The following SCN11A variants were observed in gnomAD, a reference collection of about 807,000 sequenced individuals.
SCN11A encodes sodium voltage-gated channel alpha subunit 11, also known as sodium channel protein type 11 subunit alpha.
A neutral mutation model predicts 162.2 loss-of-function variants in SCN11A; 122 were observed. That is an observed-to-expected ratio of 0.75 (90% confidence interval 0.65 to 0.87). The LOEUF is 0.87. Ranked by LOEUF, SCN11A falls within the 40% of genes least tolerant of loss-of-function variation. The pLI, the probability that SCN11A is intolerant of heterozygous loss-of-function variation, is 0.00. For missense variants in SCN11A, 2,015 were observed against 2,181.6 expected (o/e 0.92, Z 1.52); for synonymous variants, 758 against 751.5 (o/e 1.01, Z -0.14).
intron 2 of SCN11A, among the ~76,000 whole-genome samples, chr3:39,002,560 C>T (rs1016994089): frequency 1.3e-5 from 2 of 152,222 alleles, no homozygotes; most frequent in African/African-American, 4.8e-5. Flanking sequence ...ACCATGGAGG[C>T]TCCAACTGAC....
At chr3:39,027,489 C>G (rs557668433) in intron 2 of SCN11A, among the ~76,000 whole-genome samples, 1 of 152,244 alleles carries the variant, frequency 6.6e-6, no homozygotes, top group South Asian at 2.1e-4. Flanking sequence ...ATTGGAAGCT[C>G]AGCTCGAAAG....
At chr3:39,045,601 T>C (rs548709307) in intron 1 of SCN11A, among the ~76,000 whole-genome samples, 23 of 152,302 alleles carry the variant, frequency 1.5e-4, no homozygotes, top group Admixed American at 2.6e-4. Context: ...CATCCTTTCA[T>C]GATAAAAACT....
intron 9 of SCN11A, among the ~76,000 whole-genome samples, chr3:38,925,137 A>AT (rs934406327): frequency 6.6e-6 from 1 of 151,820 alleles, no homozygotes; most frequent in Non-Finnish European, 1.5e-5. Flanking sequence ...TAATGTACTT[A>AT]TTTATTATAG....
intron 23 of SCN11A, among the ~76,000 whole-genome samples, chr3:38,878,738 T>TAG (rs1221365742): frequency 6.6e-6 from 1 of 152,096 alleles, no homozygotes; most frequent in African/African-American, 2.4e-5. Context: ...AGTAATGTGG[T>TAG]AGATGTCATG....
chr3:38,904,317 G>A (rs775722328), intron 15 of SCN11A, among the ~76,000 whole-genome samples: 2 of 152,160 alleles, frequency 1.3e-5, no homozygotes, highest in Non-Finnish European at 2.9e-5. Flanking sequence ...GTACAGTCAA[G>A]TCCATCAAAT....
chr3:38,956,005 G>A (rs1032475202), intron 3 of SCN11A, among the ~76,000 whole-genome samples: 3 of 152,164 alleles, frequency 2.0e-5, no homozygotes, highest in Admixed American at 2.0e-4. Flanking sequence ...TCAGCACTTT[G>A]GGAGGCTGAG....
At chr3:38,938,459 C>T (rs1244041047) in intron 7 of SCN11A, among the ~76,000 whole-genome samples, 1 of 128,036 alleles carries the variant, frequency 7.8e-6, no homozygotes, top group East Asian at 2.6e-4. Context: ...AATGTTATGT[C>T]CTATTGAATG....
At chr3:38,929,242 T>C (rs1440786055) in intron 7 of SCN11A, among the ~76,000 whole-genome samples, 1 of 151,966 alleles carries the variant, frequency 6.6e-6, no homozygotes, top group African/African-American at 2.4e-5. Context: ...GGTATATACA[T>C]GTGATGGAAT....
rs557039721 is a variant in SCN11A, at chr3:38,910,054, T to A, written c.1101+12A>T. ...AGGGAGAGAGGAAAAAGAGAGACTA[T>A]AAATAGATAACCTGTTGATAAAGCT... On this transcript the variant is annotated intron_variant, in intron 12 of 29. Transcript: ENST00000302328. 4.1e-5 allele frequency: 66 copies of A among 1,612,822 alleles called. No homozygotes were observed. In the South Asian group the frequency reaches 6.3e-4, roughly 15 times the overall value.
chr3:39,030,412 A>G (rs977275901), intron 2 of SCN11A, among the ~76,000 whole-genome samples: 3 of 152,128 alleles, frequency 2.0e-5, no homozygotes, highest in Non-Finnish European at 4.4e-5. Context: ...CCACAGGACC[A>G]TATTTCTGAC....
intron 28 of SCN11A, among the ~76,000 whole-genome samples, chr3:38,855,237 T>A (rs912340261): frequency 1.3e-5 from 2 of 152,186 alleles, no homozygotes; most frequent in African/African-American, 2.4e-5. Context: ...GGGCGAGGCC[T>A]TTCACTACTG....
chr3:38,851,055 T>C (rs1180640199), intron 28 of SCN11A, among the ~76,000 whole-genome samples: 3 of 152,238 alleles, frequency 2.0e-5, no homozygotes. Flanking sequence ...ATTGATGATG[T>C]GCTTTGCTGA....
chr3:38,847,113 A>G lies in SCN11A; in HGVS notation c.4957T>C (p.Leu1653=), dbSNP rs1191646570. ...YSALSDFADA[L]PEPLRVAKPN... ...TTTGCGACACGCAAAGGCTCAGGCA[A>G]GGCATCAGCAAAGTCAGAAAGGGCA... The change falls in exon 30 of 30, where the codon TTG becomes CTG. Residue 1653 remains leucine (L), a synonymous_variant. Transcript: ENST00000302328. 1.2e-6 allele frequency: 2 copies of G among 1,614,214 alleles called. No individual in the cohort carries two copies. Among genetic ancestry groups the G allele is most frequent in the East Asian group, 4.5e-5 (2 of 44,872 alleles).
At chr3:38,859,139 G>C (rs557458294) in intron 28 of SCN11A, among the ~76,000 whole-genome samples, 46 of 151,646 alleles carry the variant, frequency 3.0e-4, no homozygotes, top group African/African-American at 1.0e-3. Context: ...CAAGCCAAAG[G>C]CAAATCCAAA....
chr3:38,979,410 C>T (rs1236976844), intron 2 of SCN11A, among the ~76,000 whole-genome samples: 2 of 152,198 alleles, frequency 1.3e-5, no homozygotes, highest in Non-Finnish European at 2.9e-5. Flanking sequence ...GGAGGCACAG[C>T]TGGGTATGGT....
intron 26 of SCN11A, among the ~76,000 whole-genome samples, chr3:38,869,151 C>T (rs545500637): frequency 7.6e-4 from 115 of 152,090 alleles, no homozygotes; most frequent in Non-Finnish European, 1.5e-3. Flanking sequence ...ATATCAGGAC[C>T]GGCATCAAAA....
chr3:39,010,382 TTTC>T lies in SCN11A; in HGVS notation c.-280+21995_-280+21997del, dbSNP rs1240279694. Among the ~76,000 whole-genome samples the T allele has an allele frequency of 6.5e-5, 8 of 123,130 alleles. 1 individual carries two copies. The highest frequency in any genetic ancestry group is 3.0e-4 in the Admixed American group (4 of 13,536). 80.8% of individuals were successfully genotyped at this position (123,130 alleles called of 152,430 possible). ...CAAACAGAAGTTTTAGTTTTTCTTT[TTTC>T]TTTTTTTTTTTTGAGACAGAGTTTC... On this transcript the variant is annotated intron_variant, in intron 2 of 29. Coordinates refer to ENST00000302328, the MANE Select transcript of SCN11A (RefSeq NM_001349253.2).
chr3:38,920,407 T>C (rs979467846), intron 10 of SCN11A, among the ~76,000 whole-genome samples: 6 of 152,084 alleles, frequency 3.9e-5, no homozygotes, highest in African/African-American at 1.4e-4. Flanking sequence ...AAAGAAGTGT[T>C]GTTGGCCGGG....
chr3:39,024,433 T>C (rs1317381117), intron 2 of SCN11A, among the ~76,000 whole-genome samples: 1 of 152,200 alleles, frequency 6.6e-6, no homozygotes, highest in East Asian at 1.9e-4. Flanking sequence ...AGAGAACATC[T>C]TTATGGCCAG....
Sources: allele counts gnomAD v4.1 joint callset (sites outside exome capture counted in the v4.1 genomes callset), GRCh38; gene constraint gnomAD v4.1.1; transcripts MANE v1.5; gene names NCBI Gene and HGNC (gene_info 2026-07-23, HGNC 2026-07-21).